NUMB: variants seen among roughly 807,000 people sequenced by gnomAD.
NUMB encodes the protein NUMB endocytic adaptor protein, also known as protein numb homolog.
In NUMB, 29 loss-of-function variants were observed where a neutral mutation model predicts 59.7. That is an observed-to-expected ratio of 0.49 (90% CI 0.36 to 0.66). NUMB has a LOEUF of 0.66. Among genes scored for constraint, NUMB ranks in the 30% least tolerant of loss-of-function variants. NUMB has a pLI of 0.00. For missense variants in NUMB, 723 were observed against 822.0 expected, an observed-to-expected ratio of 0.88 and a Z score of 1.47; for synonymous variants, 288 against 288.2, an observed-to-expected ratio of 1.00 and a Z score of 0.01.
intron 2 of NUMB, among the ~76,000 whole-genome samples, chr14:73,368,244 GC>G (rs1894474309): frequency 6.6e-6 from 1 of 152,050 alleles, no homozygotes; most frequent in African/African-American, 2.4e-5. Context: ...AATTACACAA[GC>G]AAAATTAAAC....
intron 4 of NUMB, among the ~76,000 whole-genome samples, chr14:73,338,927 A>G (rs1892491151): frequency 6.6e-6 from 1 of 152,248 alleles, no homozygotes; most frequent in Non-Finnish European, 1.5e-5. Context: ...AATCAAAGGA[A>G]GGTTGTACTT....
At chr14:73,364,039 T>C (rs1222389935) in intron 3 of NUMB, among the ~76,000 whole-genome samples, 2 of 152,186 alleles carry the variant, frequency 1.3e-5, no homozygotes, top group Non-Finnish European at 2.9e-5. Flanking sequence ...CAATTCAACA[T>C]TATAAATGTC....
At chr14:73,419,758 G>A (rs866930702) in intron 1 of NUMB, among the ~76,000 whole-genome samples, 37 of 152,234 alleles carry the variant, frequency 2.4e-4, no homozygotes, top group African/African-American at 8.4e-4. Context: ...TCAGACAATG[G>A]TGGGAAACTC....
At chr14:73,445,381 A>AAAACAAAC (rs1883412795) in intron 1 of NUMB, among the ~76,000 whole-genome samples, 1 of 129,790 alleles carries the variant, frequency 7.7e-6, no homozygotes, top group Non-Finnish European at 1.7e-5. Flanking sequence ...AAAAAAAAAA[A>AAAACAAAC]AAAAAAAAAA....
chr14:73,308,465 C>A (rs1340844470), intron 6 of NUMB, among the ~76,000 whole-genome samples: 1 of 152,088 alleles, frequency 6.6e-6, no homozygotes, highest in Non-Finnish European at 1.5e-5. Flanking sequence ...ACCTATCTAC[C>A]AAAACAGGCC....
Position 73,445,931 on chromosome 14 carries a change from A to G in NUMB, c.-233+12562T>C, listed in dbSNP as rs2140197948. Among the ~76,000 whole-genome samples the G allele has an allele frequency of 2.0e-5, 3 of 152,274 alleles. No individual in the cohort carries two copies. In the South Asian group the frequency reaches 6.2e-4, roughly 32 times the overall value. ...AAATCAGAGAATAACAAAAAAGATA[A>G]AAGTCCTGACTGCAAAAAATTAACA... On this transcript the variant is annotated intron_variant, in intron 1 of 12. Transcript: ENST00000555238.
At position 73,277,581 on chromosome 14, in the gene NUMB, G is replaced by A. The variant is rs369200102; in HGVS notation, c.1241-288C>T. Among the ~76,000 whole-genome samples, 18 of 152,218 alleles carry A rather than the reference G, an allele frequency of 1.2e-4. No homozygotes were observed. In the East Asian group the frequency reaches 2.1e-3, roughly 18 times the overall value. On this transcript the variant is annotated intron_variant, in intron 12 of 12. Coordinates refer to ENST00000555238, the MANE Select transcript of NUMB (RefSeq NM_001005743.2). ...AGCTGACTGATGTCAGAAACCCCTC[G>A]CTGTTGCTATGGCTCATCCACAATA...
chr14:73,389,970 CATT>C (rs1463174152), intron 2 of NUMB, among the ~76,000 whole-genome samples: 1 of 151,952 alleles, frequency 6.6e-6, no homozygotes, highest in African/African-American at 2.4e-5. Context: ...TACCAAAAAA[CATT>C]ATAACATAAC....
chr14:73,396,514 GT>G (rs1165408360), intron 2 of NUMB, among the ~76,000 whole-genome samples: 1 of 114,360 alleles, frequency 8.7e-6, no homozygotes, highest in Non-Finnish European at 1.7e-5. Flanking sequence ...GGCCTGGCTA[GT>G]TTTTTTGTGT....
At chr14:73,392,523 C>CACAAGCTTACAAGT (rs1379498999) in intron 2 of NUMB, among the ~76,000 whole-genome samples, 1 of 152,184 alleles carries the variant, frequency 6.6e-6, no homozygotes, top group Non-Finnish European at 1.5e-5. Flanking sequence ...GAAACTGTTT[C>CACAAGCTTACAAGT]ACAAGCTTAC....
intron 6 of NUMB, among the ~76,000 whole-genome samples, chr14:73,314,823 T>G (rs145049646): frequency 2.0e-3 from 310 of 152,172 alleles, no homozygotes; most frequent in Non-Finnish European, 3.8e-3. Flanking sequence ...CGATGTGTAA[T>G]TGCTTTCGGA....
At chr14:73,279,860 T>C (rs902203485) in intron 11 of NUMB, among the ~76,000 whole-genome samples, 1 of 152,226 alleles carries the variant, frequency 6.6e-6, no homozygotes, top group Non-Finnish European at 1.5e-5. Flanking sequence ...TTAACAATAA[T>C]ACTGGTTAAA....
At chr14:73,424,379 T>A (rs753272936) in intron 1 of NUMB, among the ~76,000 whole-genome samples, 74 of 152,280 alleles carry the variant, frequency 4.9e-4, no homozygotes, top group South Asian at 1.7e-3. Flanking sequence ...ATTAACATAA[T>A]TTTTTTAAAA....
At chr14:73,403,157 T>C (rs12432592) in intron 2 of NUMB, among the ~76,000 whole-genome samples, 5,493 of 152,312 alleles carry the variant, frequency 0.036, 172 homozygotes, top group Admixed American at 0.1. Context: ...ATAGTCTTTT[T>C]CCTTCTTCCT....
chr14:73,370,129 G>A (rs563490041), intron 2 of NUMB, among the ~76,000 whole-genome samples: 1 of 152,116 alleles, frequency 6.6e-6, no homozygotes, highest in East Asian at 1.9e-4. Context: ...TGGTAGTGGG[G>A]GGGGTGGGAC....
intron 8 of NUMB, among the ~76,000 whole-genome samples, chr14:73,290,554 C>G (rs1380737157): frequency 6.6e-6 from 1 of 152,194 alleles, no homozygotes; most frequent in Non-Finnish European, 1.5e-5. Context: ...GATCTTTAAA[C>G]AATTTTGGTC....
chr14:73,420,443 CA>C (rs1897307121), intron 1 of NUMB, among the ~76,000 whole-genome samples: 1 of 152,148 alleles, frequency 6.6e-6, no homozygotes, highest in Admixed American at 6.5e-5. Context: ...TATTGATTCA[CA>C]TTTTTTTTTC....
intron 6 of NUMB, among the ~76,000 whole-genome samples, chr14:73,310,726 T>C (rs1890735555): frequency 6.6e-6 from 1 of 150,844 alleles, no homozygotes; most frequent in Non-Finnish European, 1.5e-5. Flanking sequence ...AATTAGAAAG[T>C]AGGTCAAAGC....
intron 1 of NUMB, among the ~76,000 whole-genome samples, chr14:73,419,875 A>AT (rs555507026): frequency 6.6e-6 from 1 of 151,998 alleles, no homozygotes; most frequent in African/African-American, 2.4e-5. Context: ...CTGAAACTTA[A>AT]TTTTTTTTGA....
Sources: gnomAD v4.1 joint callset for allele counts (sites outside exome capture counted in the v4.1 genomes callset) on GRCh38, gnomAD v4.1.1 for gene constraint, MANE v1.5 for transcripts, NCBI Gene and HGNC (gene_info 2026-07-23, HGNC 2026-07-21) for gene names.